The following CCSER1 variants were observed in gnomAD, a reference collection of about 807,000 sequenced individuals.
The protein encoded by CCSER1 is serine-rich coiled-coil domain-containing protein 1.
CCSER1 carries 41 observed loss-of-function variants against 82.0 expected under a neutral mutation model. The observed-to-expected ratio is 0.50, with a 90% CI of 0.39 to 0.65. CCSER1 has a LOEUF of 0.65. Ranked by LOEUF, CCSER1 falls within the 30% of genes least tolerant of loss-of-function variation. The probability of loss-of-function intolerance (pLI) is 0.00; values close to 1 mark genes in which losing one functional copy is unlikely to be tolerated. For missense variants in CCSER1, 1,119 were observed against 1,064.2 expected (o/e 1.05, Z -0.72); for synonymous variants, 414 against 383.9 (o/e 1.08, Z -0.92).
At chr4:90,614,726 A>G (rs1007975011) in intron 5 of CCSER1, among the ~76,000 whole-genome samples, 1 of 152,202 alleles carries the variant, frequency 6.6e-6, no homozygotes, top group Non-Finnish European at 1.5e-5. Flanking sequence ...ATGAGATTTA[A>G]GGAGAGAAGC....
intron 10 of CCSER1, among the ~76,000 whole-genome samples, chr4:91,486,150 T>C (rs1758206505): frequency 6.6e-6 from 1 of 151,798 alleles, no homozygotes; most frequent in African/African-American, 2.4e-5. Flanking sequence ...TGAAAGCATA[T>C]TTACTATTAT....
Position 91,600,849 on chromosome 4 carries a change from T to C in CCSER1, c.*1792T>C, listed in dbSNP as rs1764792160. On this transcript the variant is annotated 3_prime_UTR_variant, in exon 11 of 11. Transcript: ENST00000509176. Reference sequence around the variant, plus strand: ...GTAATTCTGCCAAAAGAGAACAATATACACTGCAAATTGCTTGACTTAATG... The same window carrying C: ...GTAATTCTGCCAAAAGAGAACAATACACACTGCAAATTGCTTGACTTAATG... 6.6e-6 allele frequency: 1 copy of C among 152,168 alleles called. No individual in the cohort carries two copies. Among genetic ancestry groups the C allele is most frequent in the African/African-American group, 2.4e-5 (1 of 41,448 alleles). The allele number at this position is 152,168 out of a possible 1,614,324, so 9.4% of individuals were successfully genotyped here. A position where few individuals can be genotyped will look rare whatever the true frequency, so the allele number is the denominator to read the frequency against.
intron 10 of CCSER1, among the ~76,000 whole-genome samples, chr4:91,145,206 G>C (rs1022040547): frequency 1.3e-5 from 2 of 152,048 alleles, no homozygotes; most frequent in Non-Finnish European, 2.9e-5. Context: ...ATATCGTTAT[G>C]TAATGCTCTT....
intron 5 of CCSER1, among the ~76,000 whole-genome samples, chr4:90,617,886 A>G (rs1208117730): frequency 6.6e-6 from 1 of 152,028 alleles, no homozygotes; most frequent in Non-Finnish European, 1.5e-5. Context: ...TGACAGTTCT[A>G]TTGTATATAA....
chr4:91,223,341 T>A (rs764163415), intron 10 of CCSER1, among the ~76,000 whole-genome samples: 2 of 152,058 alleles, frequency 1.3e-5, no homozygotes, highest in African/African-American at 4.8e-5. Flanking sequence ...CACATAAACA[T>A]GTAGACACTT....
rs1727355590 is a variant in CCSER1 at position 90,916,109 on chromosome 4, A to G, written c.2095-7261A>G. Among the ~76,000 whole-genome samples, 4 of 152,320 alleles carry G rather than the reference A, an allele frequency of 2.6e-5. No homozygotes were observed. In the South Asian group the frequency reaches 8.3e-4, roughly 32 times the overall value. ...ACTACCCAAGGTAATTTATAGATTC[A>G]ATGCCATCCCCATCAAGCTACCAAT... On this transcript the variant is annotated intron_variant, in intron 8 of 10. Transcript: ENST00000509176.
At chr4:91,266,153 G>T (rs971200708) in intron 10 of CCSER1, among the ~76,000 whole-genome samples, 1 of 152,118 alleles carries the variant, frequency 6.6e-6, no homozygotes, top group South Asian at 2.1e-4. Context: ...TGAGATTTGG[G>T]TGGGGACACA....
chr4:90,238,843 C>T (rs1746298618), intron 1 of CCSER1, among the ~76,000 whole-genome samples: 4 of 151,812 alleles, frequency 2.6e-5, no homozygotes, highest in Admixed American at 1.3e-4. Flanking sequence ...TGGTGGATTT[C>T]TTCTAGCATT....
chr4:91,316,562 T>C (rs559455009), intron 10 of CCSER1, among the ~76,000 whole-genome samples: 1 of 152,108 alleles, frequency 6.6e-6, no homozygotes, highest in African/African-American at 2.4e-5. Flanking sequence ...AATACGTACG[T>C]CCTCTTGGAC....
intron 3 of CCSER1, among the ~76,000 whole-genome samples, chr4:90,377,909 C>A (rs1417992208): frequency 6.6e-6 from 1 of 152,014 alleles, no homozygotes; most frequent in Non-Finnish European, 1.5e-5. Context: ...GAAGATGGGG[C>A]AAATTATAGA....
intron 4 of CCSER1, among the ~76,000 whole-genome samples, chr4:90,459,187 T>C (rs781409279): frequency 6.6e-6 from 1 of 152,192 alleles, no homozygotes; most frequent in Non-Finnish European, 1.5e-5. Flanking sequence ...TAAAAGCTTA[T>C]GTCACATTGG....
chr4:90,407,874 C>T (rs979043227), intron 4 of CCSER1, among the ~76,000 whole-genome samples: 2 of 152,116 alleles, frequency 1.3e-5, no homozygotes, highest in African/African-American at 4.8e-5. Flanking sequence ...TCAGGGAATT[C>T]CCTTTCCTAG....
chr4:91,295,569 ATTAT>A (rs1483255367), intron 10 of CCSER1, among the ~76,000 whole-genome samples: 1 of 151,958 alleles, frequency 6.6e-6, no homozygotes, highest in African/African-American at 2.4e-5. Context: ...TATCAATTTT[ATTAT>A]TTTACAAAGA....
chr4:90,621,003 G>A (rs1722219874), intron 5 of CCSER1, among the ~76,000 whole-genome samples: 1 of 152,032 alleles, frequency 6.6e-6, no homozygotes, highest in Admixed American at 6.6e-5. Flanking sequence ...ATTTTTAGTA[G>A]GGAGGGGGTT....
intron 7 of CCSER1, among the ~76,000 whole-genome samples, chr4:90,797,449 CT>C (rs1756196063): frequency 6.6e-6 from 1 of 152,116 alleles, no homozygotes; most frequent in Non-Finnish European, 1.5e-5. Flanking sequence ...CACTCGGTGC[CT>C]TTTAACTGGG....
chr4:91,128,128 A>G (rs1282428226), intron 10 of CCSER1, among the ~76,000 whole-genome samples: 2 of 151,948 alleles, frequency 1.3e-5, no homozygotes, highest in African/African-American at 4.8e-5. Flanking sequence ...CAGGAATTTC[A>G]CACTCTCATT....
At chr4:90,223,337 C>T (rs1183726572) in intron 1 of CCSER1, among the ~76,000 whole-genome samples, 1 of 152,004 alleles carries the variant, frequency 6.6e-6, no homozygotes, top group East Asian at 1.9e-4. Context: ...GTTATAGATT[C>T]AGGGTAAATT....
intron 6 of CCSER1, among the ~76,000 whole-genome samples, chr4:90,633,745 G>A (rs955149723): frequency 1.3e-5 from 2 of 151,850 alleles, no homozygotes; most frequent in Non-Finnish European, 2.9e-5. Flanking sequence ...TGAGCTTACC[G>A]TTTTCCTAGT....
At chr4:90,653,567 C>T (rs924791451) in intron 6 of CCSER1, among the ~76,000 whole-genome samples, 8 of 151,948 alleles carry the variant, frequency 5.3e-5, no homozygotes, top group Non-Finnish European at 8.8e-5. Flanking sequence ...GGTGTACATT[C>T]GTAAGTGTGA....
Sources: gnomAD v4.1 joint callset for allele counts (sites outside exome capture counted in the v4.1 genomes callset) on GRCh38, gnomAD v4.1.1 for gene constraint, MANE v1.5 for transcripts, NCBI Gene and HGNC (gene_info 2026-07-23, HGNC 2026-07-21) for gene names.